The following ATP6V1A variants were observed in gnomAD, a reference collection of about 807,000 sequenced individuals.
The protein encoded by ATP6V1A is V-type proton ATPase catalytic subunit A.
A neutral mutation model predicts 70.1 loss-of-function variants in ATP6V1A; 18 were observed. The observed-to-expected ratio is 0.26, with a 90% confidence interval of 0.18 to 0.38. The LOEUF (loss-of-function observed/expected upper bound fraction) is 0.38, where lower values mean the gene tolerates loss of function less well. Ranked by LOEUF, ATP6V1A falls within the 10% of genes least tolerant of loss-of-function variation. The pLI, the probability that ATP6V1A is intolerant of heterozygous loss-of-function variation, is 1.00. For synonymous variants in ATP6V1A, 232 were observed against 253.8 expected (o/e 0.91, Z 0.82); for missense variants, 424 against 772.4 (o/e 0.55, Z 5.35).
chr3:113,753,368 T>C (rs1708610439), intron 1 of ATP6V1A, among the ~76,000 whole-genome samples: 2 of 152,178 alleles, frequency 1.3e-5, no homozygotes, highest in African/African-American at 4.8e-5. Context: ...TTTTTCCTAG[T>C]AAACAATCAA....
At chr3:113,782,353 A>G (rs1360418433) in intron 3 of ATP6V1A, among the ~76,000 whole-genome samples, 1 of 151,880 alleles carries the variant, frequency 6.6e-6, no homozygotes, top group Non-Finnish European at 1.5e-5. Flanking sequence ...TGAAAATGTA[A>G]ACAGTGACAA....
intron 1 of ATP6V1A, among the ~76,000 whole-genome samples, chr3:113,767,834 G>A (rs1045919340): frequency 3.9e-5 from 6 of 152,088 alleles, no homozygotes; most frequent in Non-Finnish European, 5.9e-5. Flanking sequence ...TGTATTTTTA[G>A]TAGAGAGAGG....
intron 11 of ATP6V1A, among the ~76,000 whole-genome samples, chr3:113,797,533 G>A (rs879502798): frequency 2.9e-4 from 43 of 146,776 alleles, no homozygotes; most frequent in Middle Eastern, 4.1e-3. Context: ...TAGGATTACA[G>A]GCGTGAGCCA....
intron 1 of ATP6V1A, among the ~76,000 whole-genome samples, chr3:113,753,162 A>T (rs1400721712): frequency 6.6e-6 from 1 of 152,216 alleles, no homozygotes; most frequent in Admixed American, 6.6e-5. Context: ...AAAACATGTC[A>T]CCAGAAGTTC....
chr3:113,789,951 AT>A, intron 8 of ATP6V1A, 111 bp downstream of exon 8: 1 of 743,250 alleles, frequency 1.3e-6, no homozygotes, highest in Non-Finnish European at 2.2e-6. Flanking sequence ...CTCTGTACAT[AT>A]AAGCACATTC....
intron 12 of ATP6V1A, among the ~76,000 whole-genome samples, chr3:113,800,898 T>TA (rs924779996): frequency 1.3e-5 from 2 of 152,182 alleles, no homozygotes; most frequent in Non-Finnish European, 2.9e-5. Flanking sequence ...CTCATACCTG[T>TA]AATCCCAGCA....
At chr3:113,800,481 A>T (rs1363197082) in intron 12 of ATP6V1A, among the ~76,000 whole-genome samples, 1 of 152,170 alleles carries the variant, frequency 6.6e-6, no homozygotes, top group African/African-American at 2.4e-5. Context: ...AACGATTGAT[A>T]TTGCAAAGAT....
chr3:113,778,132 G>A (rs914308000), intron 1 of ATP6V1A, among the ~76,000 whole-genome samples: 28 of 152,124 alleles, frequency 1.8e-4, no homozygotes, highest in South Asian at 4.1e-4. Context: ...GCTGGCTCAC[G>A]TCTGTAGTCC....
At chr3:113,807,047 C>T (rs1709282752) in intron 14 of ATP6V1A, among the ~76,000 whole-genome samples, 1 of 151,938 alleles carries the variant, frequency 6.6e-6, no homozygotes, top group South Asian at 2.1e-4. Flanking sequence ...AATAGGTAAG[C>T]ACTACATTGA....
intron 3 of ATP6V1A, among the ~76,000 whole-genome samples, chr3:113,782,209 C>A (rs1295667055): frequency 6.6e-6 from 1 of 152,126 alleles, no homozygotes; most frequent in African/African-American, 2.4e-5. Context: ...AAAACAAAAT[C>A]ATCTAGAAAT....
intron 1 of ATP6V1A, among the ~76,000 whole-genome samples, chr3:113,759,965 TC>T (rs1708684103): frequency 6.6e-6 from 1 of 152,216 alleles, no homozygotes; most frequent in African/African-American, 2.4e-5. Context: ...TTGAACAGCT[TC>T]TTTCACATTT....
chr3:113,757,332 G>T (rs967034903), intron 1 of ATP6V1A, among the ~76,000 whole-genome samples: 60 of 152,246 alleles, frequency 3.9e-4, no homozygotes, highest in African/African-American at 1.3e-3. Context: ...GTCAGAAACA[G>T]TTATTTATTG....
At position 113,805,354 on chromosome 3, in the gene ATP6V1A, G is replaced by T; in HGVS notation, c.1590G>T (p.Arg530Ser). The T allele has an allele frequency of 6.2e-7, 1 of 1,613,470 alleles. No homozygotes were observed. Among genetic ancestry groups the T allele is most frequent in the Middle Eastern group, 1.7e-4 (1 of 6,060 alleles). Reference sequence around the variant, plus strand: ...TTTTTTGGACCTTCATTTATTCTAGGTTCTGCCCATTCTACAAGACAGTAG... The same window carrying T: ...TTTTTTGGACCTTCATTTATTCTAGTTTCTGCCCATTCTACAAGACAGTAG... ...LQQNGYTPYDRFCPFYKTVGM... is the reference protein window; with the variant it reads ...LQQNGYTPYDSFCPFYKTVGM... Residue 530 changes from arginine to serine, a missense_variant and splice_region_variant, in exon 14 of 15, where the codon AGG (arginine) becomes AGT (serine). Coordinates refer to ENST00000273398, the MANE Select transcript of ATP6V1A (RefSeq NM_001690.4).
Position 113,784,403 on chromosome 3 carries a change from A to G in ATP6V1A, c.391A>G (p.Ile131Val), listed in dbSNP as rs1232152292. 1 of 1,614,132 alleles carries G rather than the reference A, an allele frequency of 6.2e-7. No individual in the cohort carries two copies. The highest frequency in any genetic ancestry group is 1.7e-5 in the Admixed American group (1 of 60,026). Residue 131 changes from isoleucine to valine, a missense_variant, in exon 4 of 15, where the codon ATC becomes GTC. By Grantham distance (29) the Ile-to-Val change is conservative. Transcript: ENST00000273398. ...AAACGTGTCTGCTCTTAGCAGAGAT[A>G]TCAAATGGGACTTTACACCTTGCAA... ...GVNVSALSRD[I>V]KWDFTPCKNL...
At chr3:113,749,891 A>T (rs912523722) in intron 1 of ATP6V1A, among the ~76,000 whole-genome samples, 34 of 152,234 alleles carry the variant, frequency 2.2e-4, no homozygotes, top group African/African-American at 8.0e-4. Flanking sequence ...GGTCAATACA[A>T]TAGATAAAAA....
chr3:113,753,532 C>T (rs950789036), intron 1 of ATP6V1A, among the ~76,000 whole-genome samples: 2 of 152,002 alleles, frequency 1.3e-5, no homozygotes, highest in African/African-American at 2.4e-5. Context: ...TGGCAAAAAA[C>T]GTGGAAACAA....
chr3:113,754,566 G>A (rs920987350), intron 1 of ATP6V1A, among the ~76,000 whole-genome samples: 1 of 151,748 alleles, frequency 6.6e-6, no homozygotes, highest in Admixed American at 6.6e-5. Flanking sequence ...AAAGAAAAAT[G>A]TACCAAAAAA....
intron 1 of ATP6V1A, among the ~76,000 whole-genome samples, chr3:113,764,192 C>A (rs965494393): frequency 6.6e-6 from 1 of 151,750 alleles, no homozygotes; most frequent in Non-Finnish European, 1.5e-5. Context: ...TTGATCGCAC[C>A]ACTGTACTCC....
intron 6 of ATP6V1A, among the ~76,000 whole-genome samples, chr3:113,787,930 G>A (rs565752448): frequency 1.3e-5 from 2 of 151,984 alleles, no homozygotes; most frequent in Non-Finnish European, 2.9e-5. Flanking sequence ...TCTGTCTCTC[G>A]CTTTTTAAGA....
Sources: gnomAD v4.1 joint callset for allele counts (sites outside exome capture counted in the v4.1 genomes callset) on GRCh38, gnomAD v4.1.1 for gene constraint, MANE v1.5 for transcripts, NCBI Gene and HGNC (gene_info 2026-07-23, HGNC 2026-07-21) for gene names.